The following PTPRG variants were observed in gnomAD, a reference collection of about 807,000 sequenced individuals.
PTPRG encodes protein tyrosine phosphatase receptor type G.
A neutral mutation model predicts 165.3 loss-of-function variants in PTPRG; 102 were observed. That is an observed-to-expected ratio of 0.62 (90% CI 0.53 to 0.73). The LOEUF (loss-of-function observed/expected upper bound fraction) is 0.73. Among genes scored for constraint, PTPRG ranks in the 30% least tolerant of loss-of-function variants. PTPRG has a pLI of 0.00. For missense variants in PTPRG, 1,866 were observed against 1,861.4 expected (o/e 1.00, Z -0.05); for synonymous variants, 675 against 669.5 (o/e 1.01, Z -0.13).
At chr3:62,022,865 A>C (rs1287802110) in intron 4 of PTPRG, among the ~76,000 whole-genome samples, 1 of 152,190 alleles carries the variant, frequency 6.6e-6, no homozygotes. Flanking sequence ...CTATTATTTT[A>C]CTAAATAAAA....
At chr3:61,733,071 A>T (rs966196490) in intron 1 of PTPRG, among the ~76,000 whole-genome samples, 1 of 152,220 alleles carries the variant, frequency 6.6e-6, no homozygotes, top group Non-Finnish European at 1.5e-5. Context: ...AGTCAAAAAC[A>T]TACTGTGTTT....
intron 5 of PTPRG, chr3:62,124,677 C>T (rs949208000): frequency 5.7e-6 from 4 of 696,122 alleles, no homozygotes; most frequent in East Asian, 2.6e-5. Context: ...CCGCTGCCGC[C>T]TGCTGAGCTA....
At chr3:61,655,156 T>G (rs1172818844) in intron 1 of PTPRG, among the ~76,000 whole-genome samples, 9 of 152,026 alleles carry the variant, frequency 5.9e-5, no homozygotes, top group Admixed American at 2.6e-4. Flanking sequence ...ATCCTGCAGG[T>G]GGAATGGTTG....
At position 61,577,199 on chromosome 3, in the gene PTPRG, G is replaced by C. The variant is rs935836300; in HGVS notation, c.85+14827G>C. Reference sequence around the variant, plus strand: ...TTTTTGATAAGGAAATTGAAGAGTAGGCATGAAAGGTGAAAGGAATTCATT... The same window carrying C: ...TTTTTGATAAGGAAATTGAAGAGTACGCATGAAAGGTGAAAGGAATTCATT... On this transcript the variant is annotated intron_variant, in intron 1 of 29. Transcript: ENST00000474889. 2.0e-5 allele frequency among the ~76,000 whole-genome samples: 3 copies of C among 152,170 alleles called. No homozygotes were observed. The East Asian group carries it at 5.8e-4, about 29-fold the overall frequency.
chr3:61,971,208 A>T (rs251038), intron 2 of PTPRG, among the ~76,000 whole-genome samples: 37,045 of 152,036 alleles, frequency 0.24, 4,870 homozygotes, highest in East Asian at 0.49. Flanking sequence ...TCTGCCAACC[A>T]TGTCCGGCTA....
At chr3:61,850,425 T>G (rs1375407922) in intron 2 of PTPRG, among the ~76,000 whole-genome samples, 1 of 152,232 alleles carries the variant, frequency 6.6e-6, no homozygotes, top group African/African-American at 2.4e-5. Context: ...CCTCCCAAAG[T>G]GCTGGGATTA....
intron 4 of PTPRG, among the ~76,000 whole-genome samples, chr3:62,035,577 G>A (rs1559759178): frequency 6.6e-6 from 1 of 152,148 alleles, no homozygotes; most frequent in Non-Finnish European, 1.5e-5. Context: ...TGTCTCTGAA[G>A]TCCTTTATTA....
At chr3:61,887,170 A>ATATTTTTTTTTTT (rs60282456) in intron 2 of PTPRG, among the ~76,000 whole-genome samples, 4 of 115,522 alleles carry the variant, frequency 3.5e-5, no homozygotes, top group African/African-American at 1.3e-4. Context: ...ATATATATAT[A>ATATTTTTTTTTTT]TTTTTAATGC....
intron 2 of PTPRG, among the ~76,000 whole-genome samples, chr3:61,827,848 T>C (rs529069304): frequency 6.6e-6 from 1 of 152,228 alleles, no homozygotes; most frequent in Non-Finnish European, 1.5e-5. Flanking sequence ...GATATTATAT[T>C]TTCTTATTAT....
chr3:62,178,423 AG>A (rs1705519423), intron 8 of PTPRG, among the ~76,000 whole-genome samples: 1 of 152,208 alleles, frequency 6.6e-6, no homozygotes, highest in Non-Finnish European at 1.5e-5. Flanking sequence ...GAGCATTGCC[AG>A]GCATCTGAAG....
rs150780006 is a variant in PTPRG at position 61,804,863 on chromosome 3, C to T, written c.190+55881C>T. 7.4e-3 allele frequency among the ~76,000 whole-genome samples: 1,133 copies of T among 152,288 alleles called. 8 individuals are homozygous for T. Among genetic ancestry groups the T allele is most frequent in the Non-Finnish European group, 0.011 (749 of 68,020 alleles). ...TTGAAGCATAGGATTTTTCCCCTTCCTGATGTATAAATGCCAGCTCTCTTC... is the reference window on the plus strand; with the variant it reads ...TTGAAGCATAGGATTTTTCCCCTTCTTGATGTATAAATGCCAGCTCTCTTC... On this transcript the variant is annotated intron_variant, in intron 2 of 29. Coordinates refer to ENST00000474889, the MANE Select transcript of PTPRG (RefSeq NM_002841.4).
chr3:62,246,148 C>A (rs577230835), intron 15 of PTPRG, among the ~76,000 whole-genome samples: 3 of 152,280 alleles, frequency 2.0e-5, no homozygotes, highest in Admixed American at 2.0e-4. Context: ...ACATTCTCCA[C>A]TGAATGAGAA....
chr3:61,655,693 A>C (rs57965131), intron 1 of PTPRG, among the ~76,000 whole-genome samples: 2 of 151,816 alleles, frequency 1.3e-5, no homozygotes, highest in Non-Finnish European at 2.9e-5. Flanking sequence ...CTCCTGGCTC[A>C]CTCCTGGGCT....
At position 62,078,229 on chromosome 3, in the gene PTPRG, A is replaced by G. The variant is rs752939187; in HGVS notation, c.586A>G (p.Ile196Val). The G allele has an allele frequency of 1.9e-6, 3 of 1,608,626 alleles. No individual in the cohort carries two copies. In the Admixed American group the frequency reaches 5.1e-5, roughly 27 times the overall value. ...SFQTAISENRIIGAMAIFFQV... is the reference protein window; with the variant it reads ...SFQTAISENRVIGAMAIFFQV... ...TCAAACCGCAATTTCTGAGAACAGA[A>G]TAATCGGAGCCATGGCCATATTTTT... The change falls in exon 5 of 30, where the codon ATA (isoleucine) becomes GTA (valine). Residue 196 changes from isoleucine (I) to valine (V), a missense_variant. Around this residue, in one of 3 missense-constraint regions of PTPRG, gnomAD observed 408 missense variants for 376.2 expected, o/e 1.08. Transcript: ENST00000474889.
At chr3:61,588,881 T>A (rs1041045287) in intron 1 of PTPRG, among the ~76,000 whole-genome samples, 1 of 152,204 alleles carries the variant, frequency 6.6e-6, no homozygotes, top group Non-Finnish European at 1.5e-5. Flanking sequence ...GCTGGAGACT[T>A]CTGCAACAAA....
chr3:62,200,184 C>T (rs1700064861), intron 10 of PTPRG, among the ~76,000 whole-genome samples: 1 of 152,186 alleles, frequency 6.6e-6, no homozygotes, highest in African/African-American at 2.4e-5. Flanking sequence ...GGTTGTACAA[C>T]TGTGTGAACA....
intron 1 of PTPRG, among the ~76,000 whole-genome samples, chr3:61,700,448 T>G (rs17065201): frequency 6.6e-6 from 1 of 152,194 alleles, no homozygotes; most frequent in East Asian, 1.9e-4. Flanking sequence ...AGCTTGTACC[T>G]AATTGCCTTT....
chr3:61,766,748 C>T (rs976969162), intron 2 of PTPRG, among the ~76,000 whole-genome samples: 7 of 151,894 alleles, frequency 4.6e-5, no homozygotes, highest in African/African-American at 1.7e-4. Context: ...TCCCTAGTAG[C>T]TGGGATTGCA....
chr3:61,919,516 G>C (rs1319833597), intron 2 of PTPRG, among the ~76,000 whole-genome samples: 2 of 152,160 alleles, frequency 1.3e-5, no homozygotes, highest in Non-Finnish European at 2.9e-5. Context: ...CCTACTTAAT[G>C]ATGAGCATGA....
Sources: allele counts gnomAD v4.1 joint callset (sites outside exome capture counted in the v4.1 genomes callset), GRCh38; gene constraint gnomAD v4.1.1; regional missense constraint gnomAD v4.1.1; transcripts MANE v1.5; gene names NCBI Gene and HGNC (gene_info 2026-07-23, HGNC 2026-07-21).